SYT9: variants seen among roughly 807,000 people sequenced by gnomAD.
SYT9 encodes synaptotagmin-9.
SYT9 carries 22 observed loss-of-function variants against 48.4 expected under a neutral mutation model. The observed-to-expected ratio is 0.45, with a 90% CI of 0.32 to 0.65. SYT9 has a LOEUF of 0.65. Among genes scored for constraint, SYT9 ranks in the 30% least tolerant of loss-of-function variants. The pLI, the probability that SYT9 is intolerant of heterozygous loss-of-function variation, is 0.03. For synonymous variants in SYT9, 265 were observed against 245.0 expected, an observed-to-expected ratio of 1.08 and a Z score of -0.76; for missense variants, 577 against 622.0, an observed-to-expected ratio of 0.93 and a Z score of 0.77.
intron 6 of SYT9, among the ~76,000 whole-genome samples, chr11:7,446,577 G>A (rs1847934158): frequency 6.6e-6 from 1 of 152,116 alleles, no homozygotes; most frequent in South Asian, 2.1e-4. Context: ...TATACCACAG[G>A]TACCACAGGA....
rs553659621 is a variant in SYT9 at position 7,306,848 on chromosome 11, G to A, written c.497+3458G>A. 3.3e-5 allele frequency among the ~76,000 whole-genome samples: 5 copies of A among 152,202 alleles called. No homozygotes were observed. The East Asian group carries it at 9.6e-4, about 29-fold the overall frequency. ...TCTTTATTGCTTGTACTCCCCTCTAGACTGAGTTCTGTGAGCTCAGAGACC... is the reference window on the plus strand; with the variant it reads ...TCTTTATTGCTTGTACTCCCCTCTAAACTGAGTTCTGTGAGCTCAGAGACC... On this transcript the variant is annotated intron_variant, in intron 2 of 6. Coordinates refer to ENST00000318881, the MANE Select transcript of SYT9 (RefSeq NM_175733.4).
chr11:7,259,553 A>G (rs1848040148), intron 1 of SYT9, among the ~76,000 whole-genome samples: 1 of 152,124 alleles, frequency 6.6e-6, no homozygotes, highest in South Asian at 2.1e-4. Flanking sequence ...TTAGGTGTAT[A>G]ATGTGAACAA....
At chr11:7,425,414 G>A (rs182277814) in intron 6 of SYT9, among the ~76,000 whole-genome samples, 1 of 152,326 alleles carries the variant, frequency 6.6e-6, no homozygotes, top group African/African-American at 2.4e-5. Flanking sequence ...CAGGAAAGAT[G>A]GGAGTGGGGA....
At chr11:7,375,740 C>G (rs766139036) in intron 3 of SYT9, among the ~76,000 whole-genome samples, 7 of 152,116 alleles carry the variant, frequency 4.6e-5, no homozygotes, top group Non-Finnish European at 7.4e-5. Context: ...TATATGAATG[C>G]TTGTGATTTT....
At chr11:7,330,100 G>A (rs10839766) in intron 3 of SYT9, among the ~76,000 whole-genome samples, 18,639 of 152,104 alleles carry the variant, frequency 0.12, 1,207 homozygotes, top group East Asian at 0.27. Context: ...ATATGTGAAT[G>A]TTCATAGCAG....
At chr11:7,361,462 T>A (rs1850135435) in intron 3 of SYT9, among the ~76,000 whole-genome samples, 1 of 152,226 alleles carries the variant, frequency 6.6e-6, no homozygotes, top group Non-Finnish European at 1.5e-5. Flanking sequence ...AGTCAACTTT[T>A]ATAACTATTC....
At chr11:7,251,851 TG>T (rs1847872799), upstream of SYT9, 1 of 219,292 alleles carries the variant, frequency 4.6e-6, no homozygotes, top group Admixed American at 5.9e-5. Context: ...ACTCCTGACC[TG>T]GCCCCGCCCC....
chr11:7,262,112 A>G (rs1005774540), intron 1 of SYT9, among the ~76,000 whole-genome samples: 3 of 152,096 alleles, frequency 2.0e-5, no homozygotes, highest in African/African-American at 7.2e-5. Flanking sequence ...CAGTGGAGAT[A>G]GTAGGAGGTG....
intron 6 of SYT9, among the ~76,000 whole-genome samples, chr11:7,436,287 AG>A (rs1380154928): frequency 3.9e-5 from 6 of 152,216 alleles, no homozygotes; most frequent in Non-Finnish European, 8.8e-5. Context: ...CAGGCAGTAA[AG>A]AAACTGAAGA....
intron 3 of SYT9, among the ~76,000 whole-genome samples, chr11:7,411,029 A>G (rs536062800): frequency 1.3e-5 from 2 of 152,090 alleles, no homozygotes; most frequent in South Asian, 4.1e-4. Flanking sequence ...TAATTTTTGT[A>G]TTTTTAGGAA....
chr11:7,426,517 C>T (rs531665091), intron 6 of SYT9, among the ~76,000 whole-genome samples: 2 of 152,292 alleles, frequency 1.3e-5, no homozygotes, highest in East Asian at 3.9e-4. Flanking sequence ...TTTGGGCACA[C>T]AAGGGAGCCA....
intron 1 of SYT9, among the ~76,000 whole-genome samples, chr11:7,266,747 T>C (rs534808155): frequency 6.6e-6 from 1 of 152,152 alleles, no homozygotes; most frequent in African/African-American, 2.4e-5. Flanking sequence ...TGTTGTAAAA[T>C]GTGATGTCTT....
chr11:7,367,247 AAT>A (rs1850269874), intron 3 of SYT9, among the ~76,000 whole-genome samples: 2 of 29,198 alleles, frequency 6.8e-5, no homozygotes, highest in Non-Finnish European at 1.4e-4. Flanking sequence ...ACGCCCGGCT[AAT>A]TTTTTTTTTT....
chr11:7,382,740 C>A (rs1287174052), intron 3 of SYT9, among the ~76,000 whole-genome samples: 9 of 152,172 alleles, frequency 5.9e-5, no homozygotes, highest in Admixed American at 5.2e-4. Context: ...CCATTCCTAG[C>A]TGAACATATC....
chr11:7,451,347 A>T (rs916505478), intron 6 of SYT9, among the ~76,000 whole-genome samples: 1 of 152,194 alleles, frequency 6.6e-6, no homozygotes, highest in South Asian at 2.1e-4. Context: ...TAAATGTTGC[A>T]TTCTGTTAAG....
upstream of SYT9, among the ~76,000 whole-genome samples, chr11:7,248,910 T>A (rs1354059402): frequency 2.6e-5 from 4 of 152,146 alleles, no homozygotes; most frequent in Non-Finnish European, 5.9e-5. Context: ...TCTGGAGGCA[T>A]CACATTACCT....
At chr11:7,348,525 C>T (rs1406068527) in intron 3 of SYT9, among the ~76,000 whole-genome samples, 1 of 152,036 alleles carries the variant, frequency 6.6e-6, no homozygotes, top group African/African-American at 2.4e-5. Flanking sequence ...GTCCCAGTGA[C>T]TCACAGATAC....
intron 6 of SYT9, chr11:7,436,031 G>C (rs188026831): frequency 3.9e-4 from 59 of 152,226 alleles, no homozygotes; most frequent in African/African-American, 1.4e-3. Context: ...AACTCCATGA[G>C]ACAGGGAATA....
In SYT9 at chr11:7,468,862, G is replaced by A. The variant is rs1848374266; in HGVS notation, c.*2062G>A. 6.6e-6 allele frequency: 1 copy of A among 152,282 alleles called. No homozygotes were observed. Among genetic ancestry groups the A allele is most frequent in the South Asian group, 2.1e-4 (1 of 4,826 alleles). The allele number at this position is 152,282 out of a possible 1,614,324, so 9.4% of individuals were successfully genotyped here. A position where few individuals can be genotyped will look rare whatever the true frequency, so the allele number is the denominator to read the frequency against. ...CTTTGTAGGGGCAAGCAGGCAAAGA[G>A]TACTATCCACATGGCAGGCAGGTGG... On this transcript the variant is annotated 3_prime_UTR_variant, in exon 7 of 7. Transcript: ENST00000318881.
Sources: gnomAD v4.1 joint callset for allele counts (sites outside exome capture counted in the v4.1 genomes callset) on GRCh38, gnomAD v4.1.1 for gene constraint, MANE v1.5 for transcripts, NCBI Gene and HGNC (gene_info 2026-07-23, HGNC 2026-07-21) for gene names.